The following CCSER1 variants were observed in gnomAD, a reference collection of about 807,000 sequenced individuals.
The protein encoded by CCSER1 is coiled-coil serine rich protein 1.
CCSER1 carries 41 observed loss-of-function variants against 82.0 expected under a neutral mutation model. The observed-to-expected ratio is 0.50, with a 90% CI of 0.39 to 0.65. CCSER1 has a LOEUF of 0.65. Among genes scored for constraint, CCSER1 ranks in the 30% least tolerant of loss-of-function variants. CCSER1 has a pLI of 0.00. For missense variants in CCSER1, 1,119 were observed against 1,064.2 expected, an observed-to-expected ratio of 1.05 and a Z score of -0.72; for synonymous variants, 414 against 383.9, an observed-to-expected ratio of 1.08 and a Z score of -0.92.
At chr4:90,782,801 C>A (rs1414417951) in intron 7 of CCSER1, among the ~76,000 whole-genome samples, 1 of 150,446 alleles carries the variant, frequency 6.6e-6, no homozygotes, top group Non-Finnish European at 1.5e-5. Flanking sequence ...CCTGCCTCAG[C>A]CTTCCGAGTA....
At chr4:90,623,982 A>G (rs1296345812) in intron 5 of CCSER1, among the ~76,000 whole-genome samples, 9 of 152,314 alleles carry the variant, frequency 5.9e-5, no homozygotes, top group Non-Finnish European at 5.9e-5. Context: ...ATGAAGTTGA[A>G]ACAACAGTAA....
chr4:90,816,965 A>T (rs887256605), intron 8 of CCSER1, among the ~76,000 whole-genome samples: 4 of 152,212 alleles, frequency 2.6e-5, no homozygotes, highest in African/African-American at 9.6e-5. Flanking sequence ...TTAACATGTT[A>T]CTGTGGCTTT....
intron 10 of CCSER1, among the ~76,000 whole-genome samples, chr4:91,171,103 A>G (rs1732701776): frequency 6.6e-6 from 1 of 152,236 alleles, no homozygotes; most frequent in Admixed American, 6.5e-5. Context: ...AAAATAGAAT[A>G]GAAACATATT....
chr4:90,953,628 TTAAATA>T (rs1733143207), intron 9 of CCSER1, among the ~76,000 whole-genome samples: 1 of 151,760 alleles, frequency 6.6e-6, no homozygotes, highest in South Asian at 2.1e-4. Flanking sequence ...GTTAATATAG[TTAAATA>T]TAAATATTCT....
chr4:91,308,659 G>A (rs1156734771), intron 10 of CCSER1, among the ~76,000 whole-genome samples: 1 of 151,972 alleles, frequency 6.6e-6, no homozygotes, highest in Non-Finnish European at 1.5e-5. Flanking sequence ...ATTTGGAAGT[G>A]TACATAAACA....
intron 1 of CCSER1, among the ~76,000 whole-genome samples, chr4:90,268,580 A>G (rs968509626): frequency 6.6e-6 from 1 of 152,134 alleles, no homozygotes; most frequent in Non-Finnish European, 1.5e-5. Context: ...CTCAAAACAT[A>G]CCAGCAGAGA....
rs1167472932 is a variant in CCSER1 at position 91,424,001 on chromosome 4, CTTTTTTTTTTTTTTTT to C, written c.2218-174560_2218-174545del. 1.9e-4 allele frequency among the ~76,000 whole-genome samples: 15 copies of C among 77,472 alleles called. No homozygotes were observed. The East Asian group carries it at 6.7e-3, about 34-fold the overall frequency. 50.8% of individuals were successfully genotyped at this position (77,472 alleles called of 152,430 possible). The stretch of plus-strand genomic sequence containing the variant: ...ATAACACTGTAAGAACTCAGCAGAT[CTTTTTTTTTTTTTTTT>C]TTTTTTTTTTGAGACGGAGTCTCGC... On this transcript the variant is annotated intron_variant, in intron 10 of 10. Coordinates refer to ENST00000509176, the MANE Select transcript of CCSER1 (RefSeq NM_001145065.2).
intron 10 of CCSER1, among the ~76,000 whole-genome samples, chr4:91,449,971 A>G (rs1474521963): frequency 6.6e-6 from 1 of 151,920 alleles, no homozygotes; most frequent in East Asian, 1.9e-4. Flanking sequence ...ACCATTTTTT[A>G]TTTCATTTTA....
intron 1 of CCSER1, among the ~76,000 whole-genome samples, chr4:90,154,347 G>T (rs1727582143): frequency 1.3e-5 from 2 of 152,342 alleles, no homozygotes; most frequent in African/African-American, 4.8e-5. Context: ...GCTTAGGATT[G>T]ACGTGGCGAT....
chr4:90,624,570 C>T (rs1722936520), intron 5 of CCSER1, among the ~76,000 whole-genome samples: 1 of 152,138 alleles, frequency 6.6e-6, no homozygotes, highest in African/African-American at 2.4e-5. Context: ...ATTCCTTTCA[C>T]ACAAAGGATC....
rs184189248 is a variant in CCSER1, at chr4:90,450,310, G to C, written c.1604-17924G>C. ...GATAACACAAATAAGAAGTAAAATAGACTAATCATTCTGAAAACAATGTTG... is the reference window on the plus strand; with the variant it reads ...GATAACACAAATAAGAAGTAAAATACACTAATCATTCTGAAAACAATGTTG... On this transcript the variant is annotated intron_variant, in intron 4 of 10. Coordinates refer to ENST00000509176, the MANE Select transcript of CCSER1 (RefSeq NM_001145065.2). Among the ~76,000 whole-genome samples, 26 of 152,294 alleles carry C rather than the reference G, an allele frequency of 1.7e-4. No individual in the cohort carries two copies. In the East Asian group the frequency reaches 2.7e-3, roughly 16 times the overall value.
At chr4:91,432,177 T>C (rs1287921094) in intron 10 of CCSER1, among the ~76,000 whole-genome samples, 1 of 152,186 alleles carries the variant, frequency 6.6e-6, no homozygotes, top group Non-Finnish European at 1.5e-5. Flanking sequence ...TCCTCTGTGA[T>C]TGTAAGTTTC....
At chr4:90,998,086 A>C (rs1358798531) in intron 9 of CCSER1, among the ~76,000 whole-genome samples, 2 of 151,580 alleles carry the variant, frequency 1.3e-5, no homozygotes, top group Non-Finnish European at 2.9e-5. Flanking sequence ...TATTTTATTT[A>C]TTTCTTTTTT....
intron 8 of CCSER1, among the ~76,000 whole-genome samples, chr4:90,825,496 G>A (rs765470189): frequency 3.3e-5 from 5 of 152,112 alleles, no homozygotes; most frequent in South Asian, 2.1e-4. Context: ...AATATATAAC[G>A]CATGTTCCTG....
At chr4:91,509,713 T>G (rs1324529219) in intron 10 of CCSER1, among the ~76,000 whole-genome samples, 1 of 152,118 alleles carries the variant, frequency 6.6e-6, no homozygotes, top group East Asian at 1.9e-4. Flanking sequence ...ATTCTTTCAG[T>G]TTTTTTGTCT....
chr4:90,168,952 G>T (rs1731072290), intron 1 of CCSER1, among the ~76,000 whole-genome samples: 1 of 151,704 alleles, frequency 6.6e-6, no homozygotes, highest in South Asian at 2.1e-4. Flanking sequence ...TTGACGTGGT[G>T]ATGCGGGCTC....
intron 6 of CCSER1, among the ~76,000 whole-genome samples, chr4:90,708,560 A>G (rs1265099038): frequency 6.6e-6 from 1 of 152,134 alleles, no homozygotes; most frequent in Non-Finnish European, 1.5e-5. Context: ...TTTGTTTTAT[A>G]ATTTTATGAT....
chr4:90,177,696 A>ATTCTATT (rs1732959064), intron 1 of CCSER1, among the ~76,000 whole-genome samples: 1 of 152,092 alleles, frequency 6.6e-6, no homozygotes, highest in Admixed American at 6.6e-5. Context: ...GAATCAAGGG[A>ATTCTATT]GTTATTACTG....
chr4:90,805,028 A>T lies in CCSER1; in HGVS notation c.2011-10734A>T, dbSNP rs192822439. On this transcript the variant is annotated intron_variant, in intron 7 of 10. Coordinates refer to ENST00000509176, the MANE Select transcript of CCSER1 (RefSeq NM_001145065.2). ...ACAAAATATTTACTTTAAAAAATTT[A>T]CTGTATGCATTTTTACACAACTATA... 1.5e-3 allele frequency among the ~76,000 whole-genome samples: 231 copies of T among 152,326 alleles called. 1 individual carries two copies. The highest frequency in any genetic ancestry group is 5.4e-3 in the African/African-American group (224 of 41,566).
Sources: gnomAD v4.1 joint callset for allele counts (sites outside exome capture counted in the v4.1 genomes callset) on GRCh38, gnomAD v4.1.1 for gene constraint, MANE v1.5 for transcripts, NCBI Gene and HGNC (gene_info 2026-07-23, HGNC 2026-07-21) for gene names.